SGCD: variants seen among roughly 807,000 people sequenced by gnomAD.
SGCD encodes sarcoglycan delta.
A neutral mutation model predicts 36.6 loss-of-function variants in SGCD; 18 were observed. The observed-to-expected ratio is 0.49, with a 90% CI of 0.34 to 0.73. The LOEUF (loss-of-function observed/expected upper bound fraction) is 0.73, where lower values mean the gene tolerates loss of function less well. Ranked by LOEUF, SGCD falls within the 30% of genes least tolerant of loss-of-function variation. The probability of loss-of-function intolerance (pLI) is 0.01; values close to 1 mark genes in which losing one functional copy is unlikely to be tolerated. For synonymous variants in SGCD, 133 were observed against 130.6 expected, an observed-to-expected ratio of 1.02 and a Z score of -0.12; for missense variants, 387 against 346.7, an observed-to-expected ratio of 1.12 and a Z score of -0.92.
chr5:156,189,738 A>G (rs542771476), intron 3 of SGCD, among the ~76,000 whole-genome samples: 39 of 152,184 alleles, frequency 2.6e-4, no homozygotes, highest in African/African-American at 8.7e-4. Context: ...GTTAGATTGT[A>G]TTTTGTGCTG....
At chr5:156,303,421 G>A (rs1294708134) in intron 3 of SGCD, among the ~76,000 whole-genome samples, 1 of 152,004 alleles carries the variant, frequency 6.6e-6, no homozygotes, top group Non-Finnish European at 1.5e-5. Context: ...CCATTCAGGA[G>A]CCACAGCTTA....
chr5:156,177,765 C>A (rs1763507635), intron 3 of SGCD, among the ~76,000 whole-genome samples: 1 of 152,086 alleles, frequency 6.6e-6, no homozygotes, highest in Non-Finnish European at 1.5e-5. Flanking sequence ...CCTACAAAAC[C>A]AGGGATCTAA....
intron 3 of SGCD, among the ~76,000 whole-genome samples, chr5:156,309,677 G>A (rs1767338036): frequency 2.7e-5 from 4 of 149,228 alleles, no homozygotes; most frequent in Non-Finnish European, 5.9e-5. Flanking sequence ...CTTGGCTCAC[G>A]GGGTTTCACT....
intron 4 of SGCD, among the ~76,000 whole-genome samples, chr5:156,559,674 G>C (rs1759191470): frequency 6.6e-6 from 1 of 152,162 alleles, no homozygotes; most frequent in African/African-American, 2.4e-5. Context: ...AGGATACCTT[G>C]AGAATTAAAG....
At chr5:156,025,820 G>C (rs1158363040) in intron 1 of SGCD, among the ~76,000 whole-genome samples, 1 of 152,224 alleles carries the variant, frequency 6.6e-6, no homozygotes, top group East Asian at 1.9e-4. Context: ...TGTTGGAATA[G>C]AGCAGAAGTG....
chr5:156,025,632 A>G (rs1428121953), intron 1 of SGCD, among the ~76,000 whole-genome samples: 1 of 152,128 alleles, frequency 6.6e-6, no homozygotes, highest in Non-Finnish European at 1.5e-5. Flanking sequence ...ATTTTTCTCC[A>G]TTTTCTTTCT....
intron 1 of SGCD, among the ~76,000 whole-genome samples, chr5:155,906,147 A>G (rs1195051538): frequency 6.6e-6 from 1 of 152,110 alleles, no homozygotes; most frequent in Admixed American, 6.6e-5. Context: ...TAATGCTATT[A>G]ATGTAAGTGT....
chr5:156,505,231 C>T (rs1484490904), intron 3 of SGCD, among the ~76,000 whole-genome samples: 1 of 152,212 alleles, frequency 6.6e-6, no homozygotes, highest in Non-Finnish European at 1.5e-5. Context: ...TGTCCCCCAG[C>T]CTGTTGCCTC....
intron 1 of SGCD, among the ~76,000 whole-genome samples, chr5:155,962,168 C>CAGGCAAGAA (rs758004125): frequency 1.3e-5 from 2 of 151,952 alleles, no homozygotes; most frequent in Non-Finnish European, 1.5e-5. Context: ...AATTTGAACC[C>CAGGCAAGAA]AAATCTGTCT....
At chr5:156,757,305 GATTA>G (rs1757377035) in intron 7 of SGCD, among the ~76,000 whole-genome samples, 1 of 121,778 alleles carries the variant, frequency 8.2e-6, no homozygotes, top group Non-Finnish European at 1.7e-5. Flanking sequence ...ATATGAGTTT[GATTA>G]ATTATACCAA....
At chr5:156,520,043 G>T (rs981455660) in intron 4 of SGCD, among the ~76,000 whole-genome samples, 3 of 152,124 alleles carry the variant, frequency 2.0e-5, no homozygotes, top group African/African-American at 7.2e-5. Context: ...AAGAAATAAA[G>T]CATATTCAAA....
At chr5:156,037,194 C>T (rs188456129) in intron 1 of SGCD, among the ~76,000 whole-genome samples, 18 of 152,202 alleles carry the variant, frequency 1.2e-4, no homozygotes, top group South Asian at 6.2e-4. Context: ...AAGTAGATGA[C>T]GGAGGACCAG....
At chr5:156,133,569 C>A (rs1337118066) in intron 3 of SGCD, among the ~76,000 whole-genome samples, 1 of 152,114 alleles carries the variant, frequency 6.6e-6, no homozygotes, top group Non-Finnish European at 1.5e-5. Context: ...CCTTAAAATG[C>A]ATGTAATGGG....
intron 3 of SGCD, among the ~76,000 whole-genome samples, chr5:156,445,463 G>A (rs1753720611): frequency 6.6e-6 from 1 of 152,158 alleles, no homozygotes. Context: ...ATCAGCTTTA[G>A]AAAGGGAAGG....
intron 3 of SGCD, 58 bp from the exon 4 acceptor site, chr5:156,508,536 AGCCTGAG>A: frequency 1.1e-6 from 1 of 914,388 alleles, no homozygotes; most frequent in South Asian, 1.5e-5. Context: ...CGTTTTTTAC[AGCCTGAG>A]GTGTTTTGAA....
At chr5:156,276,569 A>G (rs968600366) in intron 3 of SGCD, among the ~76,000 whole-genome samples, 5 of 152,284 alleles carry the variant, frequency 3.3e-5, no homozygotes, top group East Asian at 1.9e-4. Flanking sequence ...AAACAAATAC[A>G]TATATAAGTA....
chr5:155,908,078 C>T (rs1432732), intron 1 of SGCD, among the ~76,000 whole-genome samples: 8,434 of 152,180 alleles, frequency 0.055, 379 homozygotes, highest in African/African-American at 0.13. Flanking sequence ...TTGCAAGTCA[C>T]CGAAGGCTCA....
intron 3 of SGCD, among the ~76,000 whole-genome samples, chr5:156,262,942 C>T (rs1581203777): frequency 6.6e-6 from 1 of 150,788 alleles, no homozygotes. Flanking sequence ...TATATATATA[C>T]ACACACATAT....
chr5:156,092,763 C>T (rs1051014120), intron 1 of SGCD, among the ~76,000 whole-genome samples: 2 of 152,206 alleles, frequency 1.3e-5, no homozygotes, highest in Non-Finnish European at 2.9e-5. Context: ...TAATTTATAG[C>T]AGGTCATATC....
Sources: gnomAD v4.1 joint callset for allele counts (sites outside exome capture counted in the v4.1 genomes callset) on GRCh38, gnomAD v4.1.1 for gene constraint, MANE v1.5 for transcripts, NCBI Gene and HGNC (gene_info 2026-07-23, HGNC 2026-07-21) for gene names.